Variants in DOP1B observed in about 807,000 individuals in gnomAD.
DOP1B encodes DOP1 leucine zipper like protein B, also known as protein DOP1B.
In DOP1B, 174 loss-of-function variants were observed where a neutral mutation model predicts 233.5. The ratio of observed to expected loss-of-function variants is 0.75; its 90% CI spans 0.66 to 0.85. DOP1B has a LOEUF of 0.85. Among genes scored for constraint, DOP1B ranks in the 40% least tolerant of loss-of-function variants. The pLI, the probability that DOP1B is intolerant of heterozygous loss-of-function variation, is 0.00. For synonymous variants in DOP1B, 1,190 were observed against 1,185.6 expected (o/e 1.00, Z -0.08); for missense variants, 2,652 against 2,846.6 (o/e 0.93, Z 1.56).
chr21:36,159,614 A>G (rs1284732390), intron 1 of DOP1B, among the ~76,000 whole-genome samples: 2 of 152,246 alleles, frequency 1.3e-5, no homozygotes, highest in African/African-American at 4.8e-5. Flanking sequence ...GTTACACCAA[A>G]TAGCACTTTC....
intron 15 of DOP1B, among the ~76,000 whole-genome samples, chr21:36,236,936 C>T (rs537923184): frequency 5.3e-5 from 8 of 151,970 alleles, no homozygotes; most frequent in African/African-American, 1.4e-4. Context: ...AGGTGCCCGC[C>T]GCCACACCTG....
At chr21:36,175,000 G>A (rs1224802664) in intron 2 of DOP1B, among the ~76,000 whole-genome samples, 3 of 152,138 alleles carry the variant, frequency 2.0e-5, no homozygotes, top group Admixed American at 6.5e-5. Context: ...TCAACGTGTC[G>A]GCAGGGTTGG....
intron 24 of DOP1B, 104 bp downstream of exon 24, chr21:36,260,836 C>A (rs2067161290): frequency 6.4e-7 from 1 of 1,560,310 alleles, no homozygotes; most frequent in Non-Finnish European, 8.6e-7. Context: ...ACTAGAGAGC[C>A]ATTGTTCAGA....
At chr21:36,289,229 TC>T (rs1431106121) in intron 35 of DOP1B, 23 bp downstream of exon 35, 1 of 1,604,052 alleles carries the variant, frequency 6.2e-7, no homozygotes, top group Non-Finnish European at 8.5e-7. Flanking sequence ...GGATCGTGTG[TC>T]CTTTTTGAAG....
intron 23 of DOP1B, among the ~76,000 whole-genome samples, chr21:36,260,266 GGAAAGAAAGAAA>G (rs72427881): frequency 0.068 from 8,454 of 124,654 alleles, 557 homozygotes; most frequent in East Asian, 0.32. Context: ...AAGGAAGGAA[GGAAAGAAAGAAA>G]GAAAGAAAGA....
chr21:36,279,966 C>G (rs1299556359), intron 30 of DOP1B, among the ~76,000 whole-genome samples: 1 of 152,220 alleles, frequency 6.6e-6, no homozygotes, highest in Non-Finnish European at 1.5e-5. Context: ...ACCTCCACCT[C>G]CCGGGTTCAA....
At chr21:36,162,070 G>A (rs2065874301) in intron 1 of DOP1B, among the ~76,000 whole-genome samples, 1 of 152,216 alleles carries the variant, frequency 6.6e-6, no homozygotes, top group South Asian at 2.1e-4. Flanking sequence ...TGACAGTAGT[G>A]TATTCCTATA....
At chr21:36,242,760 G>A (rs2066906738) in intron 18 of DOP1B, among the ~76,000 whole-genome samples, 1 of 152,082 alleles carries the variant, frequency 6.6e-6, no homozygotes, top group South Asian at 2.1e-4. Flanking sequence ...AATGATAAGT[G>A]TCCTGCTTAC....
intron 26 of DOP1B, among the ~76,000 whole-genome samples, chr21:36,264,792 C>G (rs538126696): frequency 6.6e-6 from 1 of 152,210 alleles, no homozygotes; most frequent in African/African-American, 2.4e-5. Context: ...GGATTTCTTT[C>G]CTTAAACGCC....
At position 36,212,001 on chromosome 21, in the gene DOP1B, C is replaced by T. The variant is rs760710321; in HGVS notation, c.808C>T (p.Leu270Phe). 3.7e-6 allele frequency: 6 copies of T among 1,614,088 alleles called. No individual in the cohort carries two copies. Among genetic ancestry groups the T allele is most frequent in the Non-Finnish European group, 5.1e-6 (6 of 1,180,016 alleles). The change falls in exon 7 of 37, where the codon CTC becomes TTC. Residue 270 changes from leucine (L) to phenylalanine (F), a missense_variant. Physicochemically the swap from Leu to Phe is conservative, Grantham distance 22. Transcript: ENST00000691173. ...TTCCAATGAGAGAGCCATCCCCCTC[C>T]TCAGATCTGACATCGTGCGCATTCT... ...LDSNERAIPL[L>F]RSDIVRILSA...
At chr21:36,231,711 T>C (rs898348813) in intron 14 of DOP1B, among the ~76,000 whole-genome samples, 12 of 150,216 alleles carry the variant, frequency 8.0e-5, no homozygotes, top group Non-Finnish European at 1.3e-4. Flanking sequence ...AGGGTCTGGC[T>C]CTGTTGCCCA....
chr21:36,225,814 T>C (rs545558778), intron 12 of DOP1B, 147 bp downstream of exon 12: 1 of 856,092 alleles, frequency 1.2e-6, no homozygotes, highest in Non-Finnish European at 1.8e-6. Flanking sequence ...GCATAAAAGA[T>C]ATAGCTGGAT....
At chr21:36,224,903 C>G (rs533454294) in intron 11 of DOP1B, among the ~76,000 whole-genome samples, 1 of 152,050 alleles carries the variant, frequency 6.6e-6, no homozygotes, top group South Asian at 2.1e-4. Context: ...GCAGGGTGAA[C>G]AGCCATGTGG....
chr21:36,242,010 A>G (rs1037395807), intron 18 of DOP1B, among the ~76,000 whole-genome samples: 6 of 151,996 alleles, frequency 3.9e-5, no homozygotes, highest in African/African-American at 1.4e-4. Context: ...ATTGTTCCAC[A>G]TTGTAAGAAA....
chr21:36,237,300 G>C lies in DOP1B; in HGVS notation c.2661G>C (p.Glu887Asp). The C allele has an allele frequency of 1.9e-6, 3 of 1,614,138 alleles. No individual in the cohort carries two copies. The highest frequency in any genetic ancestry group is 4.5e-5 in the East Asian group (2 of 44,876). The change falls in exon 16 of 37, where the codon GAG becomes GAC. Residue 887 changes from glutamate (E) to aspartate (D), a missense_variant. Coordinates refer to ENST00000691173, the MANE Select transcript of DOP1B (RefSeq NM_001320714.2). ...TGCTTTGGAATCAGCTGAACAAAGA[G>C]ACCCGGGAGCATCACGTCACCTGCG... ...ARVLWNQLNK[E>D]TREHHVTCVE... is the part of the protein sequence containing the mutation.
intron 2 of DOP1B, chr21:36,170,244 T>C (rs1193909254): frequency 1.1e-5 from 4 of 360,392 alleles, no homozygotes; most frequent in Non-Finnish European, 2.1e-5. Flanking sequence ...CCCTAATGAC[T>C]AATAATTTTG....
At chr21:36,237,497 G>C (rs1454040004) in intron 16 of DOP1B, 83 bp downstream of exon 16, 2 of 1,551,260 alleles carry the variant, frequency 1.3e-6, no homozygotes, top group African/African-American at 2.7e-5. Flanking sequence ...CATCCATTCG[G>C]TCGAAGTCTT....
At chr21:36,270,517 C>T (rs1439196159) in intron 27 of DOP1B, among the ~76,000 whole-genome samples, 4 of 137,602 alleles carry the variant, frequency 2.9e-5, no homozygotes, top group Admixed American at 7.8e-5. Context: ...CACGCCACTG[C>T]GCTCCAGCCC....
At chr21:36,243,348 A>G (rs1018110692) in intron 18 of DOP1B, among the ~76,000 whole-genome samples, 1 of 150,486 alleles carries the variant, frequency 6.6e-6, no homozygotes, top group African/African-American at 2.4e-5. Context: ...TTGACTCACT[A>G]ATTTTTTTTT....
Sources: allele counts gnomAD v4.1 joint callset (sites outside exome capture counted in the v4.1 genomes callset), GRCh38; gene constraint gnomAD v4.1.1; transcripts MANE v1.5; gene names NCBI Gene and HGNC (gene_info 2026-07-23, HGNC 2026-07-21).